The following PCNX2 variants were observed in gnomAD, a reference collection of about 807,000 sequenced individuals.
The protein encoded by PCNX2 is pecanex-like protein 2.
Under a neutral mutation model 223.8 loss-of-function variants are expected in PCNX2, and 168 were observed. The ratio of observed to expected loss-of-function variants is 0.75; its 90% CI spans 0.66 to 0.85. The LOEUF is 0.85. PCNX2 is among the 40% of genes least tolerant of loss of function. The probability of loss-of-function intolerance (pLI) is 0.00; values close to 1 mark genes in which losing one functional copy is unlikely to be tolerated. For missense variants in PCNX2, 2,507 were observed against 2,675.5 expected (o/e 0.94, Z 1.39); for synonymous variants, 1,006 against 1,052.6 (o/e 0.96, Z 0.86).
the PCNX2 span, among the ~76,000 whole-genome samples, chr1:233,305,766 T>C: frequency 3.9e-5 from 6 of 152,188 alleles, no homozygotes; most frequent in Admixed American, 1.3e-4. Context: ...AGAAACTAAA[T>C]TTTAAAATAC....
intron 21 of PCNX2, among the ~76,000 whole-genome samples, chr1:233,103,597 T>C (rs1037982421): frequency 3.3e-5 from 5 of 152,206 alleles, no homozygotes; most frequent in Admixed American, 1.3e-4. Context: ...TCCATCCATG[T>C]TGTTGCAAAT....
At chr1:233,105,711 G>A (rs888855358) in intron 21 of PCNX2, among the ~76,000 whole-genome samples, 5 of 152,252 alleles carry the variant, frequency 3.3e-5, no homozygotes, top group South Asian at 2.1e-4. Flanking sequence ...TAAAGGAAAC[G>A]CAACAAGCCC....
chr1:233,292,094 T>G (rs138471910), intron 1 of PCNX2: 2 of 902,684 alleles, frequency 2.2e-6, no homozygotes, highest in Middle Eastern at 5.7e-4. Context: ...CTAGGGATTA[T>G]AAATAAATTT....
chr1:233,160,384 A>G lies in PCNX2; in HGVS notation c.3416T>C (p.Val1139Ala), dbSNP rs1488758088. 3 of 1,613,586 alleles carry G rather than the reference A, an allele frequency of 1.9e-6. No individual in the cohort carries two copies. In the Admixed American group the frequency reaches 5.0e-5, roughly 27 times the overall value. Residue 1139 changes from valine to alanine, a missense_variant, in exon 19 of 34, where the codon GTA becomes GCA. Val to Ala is a moderately conservative substitution (Grantham distance 64). Transcript: ENST00000258229. ...LFALAGAVGF[V>A]THYVLPQLRK... ...GAGCTGAGGGAGCACGTAATGTGTT[A>G]CAAACCCCACGGCTCCAGCCAAGGC...
At chr1:233,269,855 G>A (rs1398303657) in intron 1 of PCNX2, among the ~76,000 whole-genome samples, 4 of 152,070 alleles carry the variant, frequency 2.6e-5, no homozygotes, top group East Asian at 3.8e-4. Context: ...TATGCCATCC[G>A]TGGGCTTTAG....
intron 16 of PCNX2, 37 bp from the exon 17 acceptor site, chr1:233,177,935 T>C: frequency 1.9e-6 from 3 of 1,542,352 alleles, no homozygotes; most frequent in South Asian, 2.3e-5. Flanking sequence ...ATCAAAGATG[T>C]TCCTGGGACA....
In PCNX2 at chr1:233,001,606, T is replaced by A; in HGVS notation, c.5028A>T (p.Val1676=). 1 of 1,580,194 alleles carries A rather than the reference T, an allele frequency of 6.3e-7. No homozygotes were observed. The highest frequency in any genetic ancestry group is 8.6e-7 in the Non-Finnish European group (1 of 1,161,290). The stretch of plus-strand genomic sequence containing the variant: ...TATGCAGTAGGTCCATGTCAGCAAA[T>A]ACCCACTCGTCACGTGCTGTTATTC... ...DFRITARDEW[V]FADMDLLHKV... Residue 1676 remains valine (V), a synonymous_variant, in exon 29 of 34, where the codon GTA becomes GTT. Coordinates refer to ENST00000258229, the MANE Select transcript of PCNX2 (RefSeq NM_014801.4). This position sits in a 1 kb window ranked among gnomAD's most constrained non-coding sequence, Gnocchi z 4.2.
At chr1:233,325,365 C>T in the PCNX2 span, among the ~76,000 whole-genome samples, 4 of 152,050 alleles carry the variant, frequency 2.6e-5, no homozygotes, top group South Asian at 6.2e-4. Flanking sequence ...TGGAATTAGA[C>T]GTGGAGACTG....
At chr1:233,080,778 T>TG (rs1483345220) in intron 23 of PCNX2, among the ~76,000 whole-genome samples, 1 of 152,108 alleles carries the variant, frequency 6.6e-6, no homozygotes, top group Non-Finnish European at 1.5e-5. Context: ...CCTATGAATC[T>TG]GGGGGAGAAG....
chr1:233,223,527 G>A (rs557568572), intron 10 of PCNX2, among the ~76,000 whole-genome samples: 1 of 152,268 alleles, frequency 6.6e-6, no homozygotes, highest in Admixed American at 6.5e-5. Flanking sequence ...CATGTGCCAT[G>A]GTGGTTTGCT....
chr1:233,003,426 G>T (rs1670163748), intron 28 of PCNX2, among the ~76,000 whole-genome samples: 1 of 152,236 alleles, frequency 6.6e-6, no homozygotes, highest in African/African-American at 2.4e-5. Context: ...GGTCATCAGA[G>T]AAATGCAAAT....
At chr1:233,325,875 TA>T in the PCNX2 span, among the ~76,000 whole-genome samples, 1 of 152,202 alleles carries the variant, frequency 6.6e-6, no homozygotes, top group South Asian at 2.1e-4. Context: ...CTATTGTTGT[TA>T]AAATGGTATC....
chr1:233,292,158 T>TA (rs1661802687), intron 1 of PCNX2: 1 of 559,750 alleles, frequency 1.8e-6, no homozygotes, highest in Non-Finnish European at 2.3e-6. Context: ...TCTGTTATAT[T>TA]AAAAAGTGGA....
intron 23 of PCNX2, among the ~76,000 whole-genome samples, chr1:233,063,487 T>C (rs1176399084): frequency 6.6e-6 from 1 of 152,202 alleles, no homozygotes. Flanking sequence ...TGTTGCTGTA[T>C]AGAATTCTTC....
intron 12 of PCNX2, among the ~76,000 whole-genome samples, 180 bp downstream of exon 12, chr1:233,217,719 C>G (rs1234655232): frequency 6.6e-6 from 1 of 152,188 alleles, no homozygotes; most frequent in Non-Finnish European, 1.5e-5. Flanking sequence ...ACACCATGCT[C>G]TCAGACTTAG....
intron 17 of PCNX2, among the ~76,000 whole-genome samples, chr1:233,170,098 A>C (rs185446741): frequency 5.8e-4 from 88 of 152,318 alleles, no homozygotes; most frequent in Middle Eastern, 3.4e-3. Context: ...TTTCATGAAA[A>C]GGTGCTATTA....
At chr1:233,181,127 T>TCA (rs891340251) in intron 15 of PCNX2, 2 of 151,482 alleles carry the variant, frequency 1.3e-5, no homozygotes, top group African/African-American at 4.9e-5. Flanking sequence ...AACTCTCCCC[T>TCA]CACACTAGGA....
At chr1:233,263,549 G>A (rs1442493518) in intron 1 of PCNX2, among the ~76,000 whole-genome samples, 1 of 149,170 alleles carries the variant, frequency 6.7e-6, no homozygotes, top group Non-Finnish European at 1.5e-5. Context: ...TCCGCCTCCC[G>A]GGCTCAGACA....
chr1:233,186,056 T>C (rs1403015010), intron 15 of PCNX2, among the ~76,000 whole-genome samples: 2 of 152,218 alleles, frequency 1.3e-5, no homozygotes, highest in African/African-American at 2.4e-5. Context: ...AATTCCAGCA[T>C]TTTTCTCCTT....
Sources: gnomAD v4.1 joint callset for allele counts (sites outside exome capture counted in the v4.1 genomes callset) on GRCh38, gnomAD v4.1.1 for gene constraint, Gnocchi (gnomAD v3.1) non-coding constraint, MANE v1.5 for transcripts, NCBI Gene and HGNC (gene_info 2026-07-23, HGNC 2026-07-21) for gene names.